Variants in SLC36A2 observed in about 807,000 individuals in gnomAD.
The protein encoded by SLC36A2 is solute carrier family 36 member 2.
In SLC36A2, 39 loss-of-function variants were observed where a neutral mutation model predicts 42.7. The observed-to-expected ratio is 0.91, with a 90% CI of 0.71 to 1.19. SLC36A2 has a LOEUF of 1.19. Ranked by LOEUF, SLC36A2 falls within the 50% of genes most tolerant of loss-of-function variation. SLC36A2 has a pLI of 0.00. For synonymous variants in SLC36A2, 237 were observed against 240.8 expected (o/e 0.98, Z 0.15); for missense variants, 590 against 613.7 (o/e 0.96, Z 0.41).
Position 151,339,160 on chromosome 5 carries a change from G to A in SLC36A2, c.441-16C>T, listed in dbSNP as rs1483654800. ...CACGATATGCCTAGAAGGGAGAAGA[G>A]AGGGAAAAAGAAAACTTGTTATAAA... On this transcript the variant is annotated splice_polypyrimidine_tract_variant and intron_variant, in intron 4 of 9. Transcript: ENST00000335244. 4 of 1,582,536 alleles carry A rather than the reference G, an allele frequency of 2.5e-6. No homozygotes were observed. The highest frequency in any genetic ancestry group is 1.3e-5 in the African/African-American group (1 of 74,198).
At chr5:151,338,707 C>G (rs893986936) in intron 5 of SLC36A2, 4 of 209,536 alleles carry the variant, frequency 1.9e-5, no homozygotes, top group African/African-American at 7.2e-5. Context: ...GAAAGATGAC[C>G]TAAAGAAGAC....
chr5:151,328,818 C>A (rs1438427359), intron 7 of SLC36A2, among the ~76,000 whole-genome samples: 1 of 152,204 alleles, frequency 6.6e-6, no homozygotes, highest in Non-Finnish European at 1.5e-5. Context: ...GTGTGAGATT[C>A]TTCTGAAGGT....
intron 5 of SLC36A2, among the ~76,000 whole-genome samples, chr5:151,337,567 G>C (rs1756196270): frequency 6.6e-6 from 1 of 152,150 alleles, no homozygotes; most frequent in African/African-American, 2.4e-5. Flanking sequence ...GATAAGTATA[G>C]GTCTGTACAT....
chr5:151,329,795 A>C (rs1755947198), intron 7 of SLC36A2, among the ~76,000 whole-genome samples: 1 of 152,246 alleles, frequency 6.6e-6, no homozygotes, highest in African/African-American at 2.4e-5. Context: ...AGAGCCTCAG[A>C]AACCTGTGGG....
chr5:151,337,011 T>C (rs77717348), intron 5 of SLC36A2, among the ~76,000 whole-genome samples: 2,188 of 152,340 alleles, frequency 0.014, 40 homozygotes, highest in African/African-American at 0.05. Context: ...TTTTGAAATG[T>C]CCCTTGCACT....
chr5:151,317,118 G>C, intron 9 of SLC36A2, 30 bp from the exon 10 acceptor site: 1 of 1,611,160 alleles, frequency 6.2e-7, no homozygotes. Flanking sequence ...GAGAGATGGA[G>C]CATTCCAGGC....
chr5:151,331,882 T>A (rs67910448), intron 7 of SLC36A2, among the ~76,000 whole-genome samples: 21,853 of 151,790 alleles, frequency 0.14, 2,012 homozygotes, highest in East Asian at 0.39. Flanking sequence ...TCTTTTTTTT[T>A]ATGGGACAGA....
At chr5:151,346,509 C>G (rs1756502218) in intron 1 of SLC36A2, among the ~76,000 whole-genome samples, 1 of 152,072 alleles carries the variant, frequency 6.6e-6, no homozygotes, top group African/African-American at 2.4e-5. Flanking sequence ...AGCAGAGAAA[C>G]CACTTGAACT....
Position 151,315,509 on chromosome 5 carries a change from C to T in SLC36A2, c.*1308G>A, listed in dbSNP as rs1215472064. ...AGGCATAGTGGCAGGCACTTGTAATCCTAGCTACTTGGGAGGCTGAGGCAG... is the reference window on the plus strand; with the variant it reads ...AGGCATAGTGGCAGGCACTTGTAATTCTAGCTACTTGGGAGGCTGAGGCAG... On this transcript the variant is annotated 3_prime_UTR_variant, in exon 10 of 10. Transcript: ENST00000335244. 6.6e-6 allele frequency: 1 copy of T among 152,286 alleles called. No homozygotes were observed. The highest frequency in any genetic ancestry group is 1.5e-5 in the Non-Finnish European group (1 of 68,110). 9.4% of individuals were successfully genotyped at this position (152,286 alleles called of 1,614,324 possible).
In SLC36A2 at chr5:151,325,147, G is replaced by A. The variant is rs544764565; in HGVS notation, c.1010+139C>T. ...TCCCAGGACAGAGAATCTGGAGACC[G>A]TGGTTCCAATGACAATTCTGCTTCT... On this transcript the variant is annotated intron_variant, in intron 8 of 9. Transcript: ENST00000335244. 138 of 979,164 alleles carry A rather than the reference G, an allele frequency of 1.4e-4. No homozygotes were observed. In the African/African-American group the frequency reaches 1.8e-3, roughly 13 times the overall value. 60.7% of individuals were successfully genotyped at this position (979,164 alleles called of 1,614,324 possible).
intron 8 of SLC36A2, among the ~76,000 whole-genome samples, chr5:151,323,254 G>GATAAATAA (rs58446194): frequency 0.15 from 21,618 of 141,238 alleles, 1,783 homozygotes; most frequent in South Asian, 0.17. Context: ...TAGATAGATA[G>GATAAATAA]ATAAATAAAT....
chr5:151,340,167 G>GGA (rs1554098831), intron 4 of SLC36A2, among the ~76,000 whole-genome samples: 5 of 112,394 alleles, frequency 4.4e-5, no homozygotes, highest in Non-Finnish European at 8.0e-5. Flanking sequence ...AGGAAGAAGA[G>GGA]GAAGGAGGAG....
Position 151,347,036 on chromosome 5 carries a change from A to T in SLC36A2, c.164+261T>A, listed in dbSNP as rs78305612. ...AATTCTAGCCCTTATCCTGCCAATG[A>T]CTCAGTATGTGGTCCAGGGTAATTG... On this transcript the variant is annotated intron_variant, in intron 1 of 9. Coordinates refer to ENST00000335244, the MANE Select transcript of SLC36A2 (RefSeq NM_181776.3). 5.0e-3 allele frequency among the ~76,000 whole-genome samples: 766 copies of T among 152,140 alleles called. 40 individuals carry two copies. In the East Asian group the frequency reaches 0.12, roughly 23 times the overall value.
chr5:151,322,226 A>C lies in SLC36A2; in HGVS notation c.1011-11T>G, dbSNP rs1195306096. 2 of 1,613,848 alleles carry C rather than the reference A, an allele frequency of 1.2e-6. No homozygotes were observed. Among genetic ancestry groups the C allele is most frequent in the Non-Finnish European group, 1.7e-6 (2 of 1,179,862 alleles). Reference sequence around the variant, plus strand: ...ACAGACTGGTACAGCCTGCAAGACAAACCACAGAGCTGCTCTCCACGGCCA... The same window carrying C: ...ACAGACTGGTACAGCCTGCAAGACACACCACAGAGCTGCTCTCCACGGCCA... On this transcript the variant is annotated splice_polypyrimidine_tract_variant and intron_variant, in intron 8 of 9. Coordinates refer to ENST00000335244, the MANE Select transcript of SLC36A2 (RefSeq NM_181776.3).
At chr5:151,334,968 G>A (rs892881278) in intron 6 of SLC36A2, among the ~76,000 whole-genome samples, 3 of 151,492 alleles carry the variant, frequency 2.0e-5, no homozygotes, top group South Asian at 4.2e-4. Flanking sequence ...TATGGGTAAC[G>A]CAATAACTTT....
chr5:151,340,362 A>T (rs1194560283), intron 4 of SLC36A2, among the ~76,000 whole-genome samples: 1 of 152,200 alleles, frequency 6.6e-6, no homozygotes, highest in African/African-American at 2.4e-5. Flanking sequence ...ACACATTCAG[A>T]ATCTGAATCT....
intron 1 of SLC36A2, among the ~76,000 whole-genome samples, chr5:151,346,891 G>A (rs1037249975): frequency 3.3e-5 from 5 of 152,164 alleles, no homozygotes; most frequent in African/African-American, 4.8e-5. Context: ...GGTCAGTGAG[G>A]CCACTGTGGT....
chr5:151,331,382 T>TG, intron 7 of SLC36A2, among the ~76,000 whole-genome samples: 1 of 151,984 alleles, frequency 6.6e-6, no homozygotes, highest in African/African-American at 2.4e-5. Flanking sequence ...TGTGGTACAA[T>TG]CATAGCTCAC....
At chr5:151,342,742 G>C in intron 4 of SLC36A2, 146 bp downstream of exon 4, 3 of 686,572 alleles carry the variant, frequency 4.4e-6, no homozygotes, top group Non-Finnish European at 8.0e-6. Flanking sequence ...GGTTGATCAG[G>C]GATGTTGCCA....
Sources: allele counts gnomAD v4.1 joint callset (sites outside exome capture counted in the v4.1 genomes callset), GRCh38; gene constraint gnomAD v4.1.1; transcripts MANE v1.5; gene names NCBI Gene and HGNC (gene_info 2026-07-23, HGNC 2026-07-21).